The following MAGI2 variants were observed in gnomAD, a reference collection of about 807,000 sequenced individuals.
MAGI2 encodes the protein membrane-associated guanylate kinase, WW and PDZ domain-containing protein 2.
MAGI2 carries 35 observed loss-of-function variants against 133.3 expected under a neutral mutation model. That is an observed-to-expected ratio of 0.26 (90% CI 0.20 to 0.35). MAGI2 has a LOEUF of 0.35. MAGI2 is among the 10% of genes least tolerant of loss of function. MAGI2 has a pLI of 1.00. For synonymous variants in MAGI2, 729 were observed against 710.6 expected, an observed-to-expected ratio of 1.03 and a Z score of -0.41; for missense variants, 1,636 against 1,863.4, an observed-to-expected ratio of 0.88 and a Z score of 2.25.
intron 1 of MAGI2, among the ~76,000 whole-genome samples, chr7:79,226,640 A>G (rs1049018867): frequency 6.6e-6 from 1 of 152,028 alleles, no homozygotes; most frequent in African/African-American, 2.4e-5. Context: ...CTTTATTTCT[A>G]TCTTCCATTC....
At chr7:79,313,142 T>C (rs553345091) in intron 1 of MAGI2, among the ~76,000 whole-genome samples, 10 of 103,032 alleles carry the variant, frequency 9.7e-5, no homozygotes, top group Non-Finnish European at 1.4e-4. Context: ...CAGAATATAT[T>C]TGGGGCTTAT....
At chr7:79,071,385 GC>G (rs1316243491) in intron 1 of MAGI2, among the ~76,000 whole-genome samples, 2 of 151,970 alleles carry the variant, frequency 1.3e-5, no homozygotes, top group East Asian at 1.9e-4. Context: ...GTGTCTGTTG[GC>G]CCCTGCTGGG....
chr7:79,210,521 C>T (rs1829416239), intron 1 of MAGI2, among the ~76,000 whole-genome samples: 1 of 151,988 alleles, frequency 6.6e-6, no homozygotes, highest in Admixed American at 6.5e-5. Flanking sequence ...ACATGCCCAC[C>T]TAAGTGTTAG....
Position 78,691,548 on chromosome 7 carries a change from T to A in MAGI2, c.419-64309A>T. On this transcript the variant is annotated intron_variant, in intron 2 of 21. Transcript: ENST00000354212. ...AAAGAGAATGAAATCTAATGACTGA[T>A]GCAGAACAGATTGGTGTATGATATT... Among the ~76,000 whole-genome samples, 4 of 152,250 alleles carry A rather than the reference T, an allele frequency of 2.6e-5. No homozygotes were observed. The South Asian group carries it at 8.3e-4, about 32-fold the overall frequency.
At chr7:78,489,738 A>C (rs1434571474) in intron 6 of MAGI2, 23 bp downstream of exon 6, 1 of 1,567,658 alleles carries the variant, frequency 6.4e-7, no homozygotes, top group Non-Finnish European at 8.8e-7. Context: ...TTGCTGAAAC[A>C]CCATAAAAAC....
intron 3 of MAGI2, among the ~76,000 whole-genome samples, chr7:78,573,265 T>TATATATAAATATATATATATATATAA (rs1563188606): frequency 4.7e-5 from 1 of 21,394 alleles, no homozygotes; most frequent in Non-Finnish European, 8.0e-5. Flanking sequence ...TAAATATAAA[T>TATATATAAATATATATATATATATAA]ATATATAAAT....
Position 79,453,512 on chromosome 7 carries a change from G to A in MAGI2, c.-192C>T. ...GAGGAATGGGGAGGATGAGAGGGAC[G>A]GCTGGGCAGAGGTAGGAGAGCTTGG... On this transcript the variant is annotated 5_prime_UTR_variant, in exon 1 of 22. Transcript: ENST00000354212. 4.3e-6 allele frequency: 6 copies of A among 1,395,616 alleles called. No homozygotes were observed. Among genetic ancestry groups the A allele is most frequent in the Middle Eastern group, 5.2e-4 (2 of 3,830 alleles). 86.5% of individuals were successfully genotyped at this position (1,395,616 alleles called of 1,614,324 possible).
chr7:78,589,824 C>T (rs1276855218), intron 3 of MAGI2, among the ~76,000 whole-genome samples: 2 of 152,140 alleles, frequency 1.3e-5, no homozygotes, highest in African/African-American at 4.8e-5. Flanking sequence ...AAGAGTAATG[C>T]AGTCTAAGTA....
chr7:78,395,038 T>C (rs1796218408), intron 6 of MAGI2, among the ~76,000 whole-genome samples: 1 of 152,192 alleles, frequency 6.6e-6, no homozygotes. Context: ...GAATGTTCAA[T>C]GGTCAAAAGG....
At chr7:79,294,891 G>A (rs1190859952) in intron 1 of MAGI2, among the ~76,000 whole-genome samples, 20 of 150,992 alleles carry the variant, frequency 1.3e-4, no homozygotes, top group African/African-American at 3.9e-4. Flanking sequence ...CACCACTCCC[G>A]GCTAAATTTT....
At chr7:78,337,660 G>A (rs184593727) in intron 9 of MAGI2, among the ~76,000 whole-genome samples, 24 of 152,142 alleles carry the variant, frequency 1.6e-4, no homozygotes, top group African/African-American at 5.8e-4. Flanking sequence ...TATTATTTGT[G>A]TTAATTTTTG....
In MAGI2 at chr7:79,025,164, C is replaced by T. The variant is rs559514504; in HGVS notation, c.302-17958G>A. On this transcript the variant is annotated intron_variant, in intron 1 of 21. Coordinates refer to ENST00000354212, the MANE Select transcript of MAGI2 (RefSeq NM_012301.4). ...GTGATACCTATATACCATGGAATAC[C>T]ATGCAGCCATAAAAAAATGAGATCA... 4.7e-5 allele frequency among the ~76,000 whole-genome samples: 5 copies of T among 106,190 alleles called. No homozygotes were observed. In the East Asian group the frequency reaches 1.5e-3, roughly 31 times the overall value. The allele number at this position is 106,190 out of a possible 152,430, so 69.7% of individuals were successfully genotyped here.
intron 1 of MAGI2, among the ~76,000 whole-genome samples, chr7:79,214,397 C>CTATATATA (rs1829793675): frequency 2.4e-5 from 2 of 82,730 alleles, no homozygotes; most frequent in African/African-American, 5.5e-5. Context: ...CTCTCTCTCT[C>CTATATATA]TCTCTCTCTC....
At chr7:79,408,673 A>G (rs1845962167) in intron 1 of MAGI2, among the ~76,000 whole-genome samples, 1 of 152,128 alleles carries the variant, frequency 6.6e-6, no homozygotes, top group African/African-American at 2.4e-5. Context: ...GCAAGTAGAA[A>G]CCAGGAACAA....
intron 3 of MAGI2, among the ~76,000 whole-genome samples, chr7:78,546,615 G>A (rs1798865272): frequency 6.6e-6 from 1 of 151,986 alleles, no homozygotes; most frequent in Admixed American, 6.6e-5. Context: ...GTGTCCCCCT[G>A]TGTCCTCTCC....
At chr7:78,847,345 A>G (rs903127356) in intron 2 of MAGI2, among the ~76,000 whole-genome samples, 1 of 152,008 alleles carries the variant, frequency 6.6e-6, no homozygotes, top group African/African-American at 2.4e-5. Context: ...TCCATAAACT[A>G]AAAAGGCTCG....
chr7:78,895,382 A>C (rs1797123375), intron 2 of MAGI2, among the ~76,000 whole-genome samples: 1 of 152,176 alleles, frequency 6.6e-6, no homozygotes, highest in Admixed American at 6.5e-5. Flanking sequence ...CATTATAGCG[A>C]CAGAAAATGG....
At chr7:79,343,476 G>T (rs1196374232) in intron 1 of MAGI2, 3 of 151,824 alleles carry the variant, frequency 2.0e-5, no homozygotes, top group East Asian at 3.9e-4. Flanking sequence ...CTAAGTGGAG[G>T]AATATGAAGG....
intron 1 of MAGI2, among the ~76,000 whole-genome samples, chr7:79,191,544 A>G (rs1419608067): frequency 6.7e-6 from 1 of 149,580 alleles, no homozygotes; most frequent in Non-Finnish European, 1.5e-5. Context: ...CAGCCTCCCA[A>G]GTAGTTGGAA....
Sources: gnomAD v4.1 joint callset for allele counts (sites outside exome capture counted in the v4.1 genomes callset) on GRCh38, gnomAD v4.1.1 for gene constraint, MANE v1.5 for transcripts, NCBI Gene and HGNC (gene_info 2026-07-23, HGNC 2026-07-21) for gene names.